Variants in FBXL7 observed in about 807,000 individuals in gnomAD.
FBXL7 encodes F-box/LRR-repeat protein 7.
Under a neutral mutation model 38.3 loss-of-function variants are expected in FBXL7, and 12 were observed. The observed-to-expected ratio is 0.31, with a 90% CI of 0.20 to 0.51. FBXL7 has a LOEUF of 0.51. FBXL7 is among the 20% of genes least tolerant of loss of function. FBXL7 has a pLI of 0.98. For missense variants in FBXL7, 567 were observed against 676.4 expected (o/e 0.84, Z 1.79); for synonymous variants, 297 against 300.9 (o/e 0.99, Z 0.13).
At chr5:15,873,328 C>T (rs976254613) in intron 2 of FBXL7, among the ~76,000 whole-genome samples, 1 of 152,082 alleles carries the variant, frequency 6.6e-6, no homozygotes, top group Non-Finnish European at 1.5e-5. Context: ...CTAAAATTGA[C>T]ACCCTAACAT....
intron 1 of FBXL7, among the ~76,000 whole-genome samples, chr5:15,550,928 C>A (rs1738048464): frequency 6.6e-6 from 1 of 152,218 alleles, no homozygotes; most frequent in Admixed American, 6.5e-5. Context: ...CAAGACTTGA[C>A]TTAAACAGTA....
intron 2 of FBXL7, among the ~76,000 whole-genome samples, chr5:15,879,982 A>G (rs1321577732): frequency 1.3e-5 from 2 of 152,198 alleles, no homozygotes; most frequent in African/African-American, 4.8e-5. Context: ...AAACTTGTTA[A>G]AAGAGTGTTG....
chr5:15,654,601 G>T (rs12655307), intron 2 of FBXL7, among the ~76,000 whole-genome samples: 24,219 of 151,976 alleles, frequency 0.16, 2,273 homozygotes, highest in East Asian at 0.45. Context: ...AAGATTCAAG[G>T]TTTTTTAAAG....
intron 2 of FBXL7, among the ~76,000 whole-genome samples, chr5:15,713,145 GT>G (rs1184645558): frequency 6.6e-6 from 1 of 152,204 alleles, no homozygotes; most frequent in African/African-American, 2.4e-5. Flanking sequence ...GGGATGTACA[GT>G]TCCACGTGGC....
chr5:15,745,341 AATTT>A (rs1735987580), intron 2 of FBXL7, among the ~76,000 whole-genome samples: 1 of 152,204 alleles, frequency 6.6e-6, no homozygotes, highest in African/African-American at 2.4e-5. Context: ...GAAATAAAGC[AATTT>A]ATTTAAGCAC....
At chr5:15,588,227 C>G (rs964298955) in intron 1 of FBXL7, among the ~76,000 whole-genome samples, 2 of 152,112 alleles carry the variant, frequency 1.3e-5, no homozygotes, top group African/African-American at 4.8e-5. Flanking sequence ...ACTGAATGGT[C>G]ATGTTTTTAA....
chr5:15,890,883 A>G (rs529801563), intron 2 of FBXL7, among the ~76,000 whole-genome samples: 1 of 152,326 alleles, frequency 6.6e-6, no homozygotes, highest in Admixed American at 6.5e-5. Context: ...ATTTCTGATC[A>G]TAAATGTGGT....
chr5:15,826,757 CAACA>C (rs1738322573), intron 2 of FBXL7, among the ~76,000 whole-genome samples: 1 of 152,126 alleles, frequency 6.6e-6, no homozygotes, highest in Non-Finnish European at 1.5e-5. Context: ...TTGCTCCATG[CAACA>C]TACCCTGAGA....
At chr5:15,642,597 G>A (rs1741403658) in intron 2 of FBXL7, among the ~76,000 whole-genome samples, 2 of 152,190 alleles carry the variant, frequency 1.3e-5, no homozygotes, top group African/African-American at 4.8e-5. Context: ...AGCCTTTCAG[G>A]TGATACTGAG....
chr5:15,765,464 A>G (rs966937358), intron 2 of FBXL7, among the ~76,000 whole-genome samples: 6 of 152,192 alleles, frequency 3.9e-5, no homozygotes, highest in African/African-American at 1.4e-4. Context: ...ACAACTGAGC[A>G]TACCTAGCCA....
intron 2 of FBXL7, among the ~76,000 whole-genome samples, chr5:15,917,687 A>AAGGT (rs1741628062): frequency 1.3e-5 from 2 of 149,700 alleles, no homozygotes; most frequent in Non-Finnish European, 3.0e-5. Flanking sequence ...GGAAGGAAGG[A>AAGGT]AGGAAGGAAG....
chr5:15,545,510 T>C (rs1737871323), intron 1 of FBXL7, among the ~76,000 whole-genome samples: 1 of 152,062 alleles, frequency 6.6e-6, no homozygotes, highest in South Asian at 2.1e-4. Context: ...TTTTCTTCAA[T>C]TGAATGTCAC....
At chr5:15,644,285 C>T (rs1741459458) in intron 2 of FBXL7, among the ~76,000 whole-genome samples, 1 of 147,636 alleles carries the variant, frequency 6.8e-6, no homozygotes, top group Non-Finnish European at 1.5e-5. Context: ...ATGGAGAAAC[C>T]CCGTCTCTAC....
intron 2 of FBXL7, among the ~76,000 whole-genome samples, chr5:15,741,273 AG>A (rs1177122961): frequency 6.6e-6 from 1 of 152,180 alleles, no homozygotes; most frequent in African/African-American, 2.4e-5. Flanking sequence ...ACACACTTTA[AG>A]TTTGTTGATA....
chr5:15,853,117 A>G (rs1739150404), intron 2 of FBXL7, among the ~76,000 whole-genome samples: 1 of 152,210 alleles, frequency 6.6e-6, no homozygotes, highest in Non-Finnish European at 1.5e-5. Flanking sequence ...CTGCTGGCAA[A>G]TGAAGAGCCA....
In FBXL7 at chr5:15,500,770, C is replaced by T. The variant is rs889804300; in HGVS notation, c.37+57C>T. On this transcript the variant is annotated intron_variant, in intron 1 of 3. Coordinates refer to ENST00000504595, the MANE Select transcript of FBXL7 (RefSeq NM_012304.5). Reference sequence around the variant, plus strand: ...ATCGCGTCCCTCCTCCCCTTTCCCTCGCCCTCCCGACTGGGAAGGGAGGTT... The same window carrying T: ...ATCGCGTCCCTCCTCCCCTTTCCCTTGCCCTCCCGACTGGGAAGGGAGGTT... 5.1e-6 allele frequency: 8 copies of T among 1,582,740 alleles called. No homozygotes were observed. In the South Asian group the frequency reaches 7.9e-5, roughly 16 times the overall value.
chr5:15,779,886 T>G (rs531029217), intron 2 of FBXL7, among the ~76,000 whole-genome samples: 7 of 152,316 alleles, frequency 4.6e-5, no homozygotes, highest in African/African-American at 1.7e-4. Flanking sequence ...TTGGAATACT[T>G]GTTTTTCAGC....
Position 15,852,804 on chromosome 5 carries a change from T to C in FBXL7, c.128-75086T>C, listed in dbSNP as rs1275976397. The stretch of plus-strand genomic sequence containing the variant: ...TAGGATTTTCTCACCTTGAGTTTAT[T>C]CCCCTTATTCTTACTAGTTCAGTTT... On this transcript the variant is annotated intron_variant, in intron 2 of 3. Coordinates refer to ENST00000504595, the MANE Select transcript of FBXL7 (RefSeq NM_012304.5). Among the ~76,000 whole-genome samples, 7 of 152,200 alleles carry C rather than the reference T, an allele frequency of 4.6e-5. No individual in the cohort carries two copies. The East Asian group carries it at 1.3e-3, about 29-fold the overall frequency.
chr5:15,525,218 G>C (rs1298353550), intron 1 of FBXL7, among the ~76,000 whole-genome samples: 1 of 152,164 alleles, frequency 6.6e-6, no homozygotes, highest in South Asian at 2.1e-4. Flanking sequence ...TTTTACAAGT[G>C]TTAACAATTC....
Sources: allele counts gnomAD v4.1 joint callset (sites outside exome capture counted in the v4.1 genomes callset), GRCh38; gene constraint gnomAD v4.1.1; transcripts MANE v1.5; gene names NCBI Gene and HGNC (gene_info 2026-07-23, HGNC 2026-07-21).